ANTXR1: variants seen among roughly 807,000 people sequenced by gnomAD.
The protein encoded by ANTXR1 is ANTXR cell adhesion molecule 1.
ANTXR1 carries 19 observed loss-of-function variants against 78.1 expected under a neutral mutation model. The ratio of observed to expected loss-of-function variants is 0.24; its 90% CI spans 0.17 to 0.36. The LOEUF (loss-of-function observed/expected upper bound fraction) is 0.36, where lower values mean the gene tolerates loss of function less well. Ranked by LOEUF, ANTXR1 falls within the 10% of genes least tolerant of loss-of-function variation. The pLI, the probability that ANTXR1 is intolerant of heterozygous loss-of-function variation, is 1.00. For synonymous variants in ANTXR1, 273 were observed against 260.5 expected (o/e 1.05, Z -0.46); for missense variants, 518 against 718.6 (o/e 0.72, Z 3.19).
At chr2:69,058,297 G>A (rs144142449) in intron 3 of ANTXR1, among the ~76,000 whole-genome samples, 3 of 152,286 alleles carry the variant, frequency 2.0e-5, no homozygotes, top group Non-Finnish European at 4.4e-5. Flanking sequence ...GTCAAAGCCT[G>A]GCTTCAAATC....
intron 17 of ANTXR1, among the ~76,000 whole-genome samples, chr2:69,210,192 G>A (rs1328975566): frequency 6.6e-6 from 1 of 152,188 alleles, no homozygotes; most frequent in Admixed American, 6.5e-5. Flanking sequence ...CACTCCTGCA[G>A]TGTCCATCCA....
chr2:69,239,528 C>T (rs1675847941), intron 17 of ANTXR1, among the ~76,000 whole-genome samples: 1 of 152,176 alleles, frequency 6.6e-6, no homozygotes, highest in African/African-American at 2.4e-5. Context: ...GCCGAGATCA[C>T]TCTCACAGAG....
At chr2:69,120,390 G>A (rs992145761) in intron 10 of ANTXR1, among the ~76,000 whole-genome samples, 5 of 152,206 alleles carry the variant, frequency 3.3e-5, no homozygotes, top group Admixed American at 6.5e-5. Flanking sequence ...CTTGGGCCGG[G>A]TGCGGTGGCT....
intron 17 of ANTXR1, among the ~76,000 whole-genome samples, chr2:69,199,731 G>A (rs1484699760): frequency 1.3e-5 from 2 of 152,142 alleles, no homozygotes; most frequent in African/African-American, 2.4e-5. Context: ...GAATCACAAA[G>A]CCTCCCCAGG....
chr2:69,233,200 C>T (rs139236328), intron 17 of ANTXR1, among the ~76,000 whole-genome samples: 2,321 of 152,032 alleles, frequency 0.015, 22 homozygotes, highest in Non-Finnish European at 0.022. Flanking sequence ...ACTTGTTATA[C>T]GACAAGTAAT....
intron 10 of ANTXR1, among the ~76,000 whole-genome samples, chr2:69,106,213 G>A (rs1303749725): frequency 6.6e-6 from 1 of 152,140 alleles, no homozygotes; most frequent in African/African-American, 2.4e-5. Context: ...CCAGAAGATA[G>A]GTTAATACAT....
intron 12 of ANTXR1, among the ~76,000 whole-genome samples, chr2:69,125,849 AT>A (rs1278226958): frequency 6.6e-6 from 1 of 152,076 alleles, no homozygotes; most frequent in Non-Finnish European, 1.5e-5. Flanking sequence ...AAAAAAAAAA[AT>A]TAAAAAAAGA....
At chr2:69,188,590 T>A (rs1274787708) in intron 16 of ANTXR1, among the ~76,000 whole-genome samples, 1 of 152,252 alleles carries the variant, frequency 6.6e-6, no homozygotes, top group East Asian at 1.9e-4. Context: ...TCAAAATTTG[T>A]CAACTTCAAA....
intron 10 of ANTXR1, among the ~76,000 whole-genome samples, chr2:69,114,668 T>C (rs940886502): frequency 3.3e-5 from 5 of 152,236 alleles, no homozygotes; most frequent in Non-Finnish European, 4.4e-5. Flanking sequence ...TGTCAGAGCC[T>C]TGGCGGCAAT....
chr2:69,144,410 C>G (rs1673160732), intron 12 of ANTXR1, among the ~76,000 whole-genome samples: 3 of 152,178 alleles, frequency 2.0e-5, no homozygotes, highest in Admixed American at 2.0e-4. Context: ...GTTAGTGGAA[C>G]AGAGCTGCCC....
At chr2:69,084,051 A>G (rs932369154) in intron 8 of ANTXR1, among the ~76,000 whole-genome samples, 5 of 152,222 alleles carry the variant, frequency 3.3e-5, no homozygotes, top group Non-Finnish European at 7.3e-5. Flanking sequence ...GCAGAGGGGC[A>G]TGTTCAGTTA....
intron 17 of ANTXR1, among the ~76,000 whole-genome samples, chr2:69,199,707 A>G (rs562014162): frequency 2.0e-5 from 3 of 152,218 alleles, no homozygotes; most frequent in Admixed American, 2.0e-4. Context: ...CTGGGCACTT[A>G]TAGGATCACC....
At chr2:69,156,895 G>C (rs1039617377) in intron 13 of ANTXR1, among the ~76,000 whole-genome samples, 3 of 152,170 alleles carry the variant, frequency 2.0e-5, no homozygotes, top group Non-Finnish European at 2.9e-5. Context: ...ACAACTCGAC[G>C]TGAGATTTGC....
chr2:69,085,352 G>A (rs1277589505), intron 8 of ANTXR1, among the ~76,000 whole-genome samples: 2 of 152,054 alleles, frequency 1.3e-5, no homozygotes, highest in African/African-American at 4.8e-5. Flanking sequence ...TTTTTTTAAG[G>A]TAAGCAATTT....
At chr2:69,188,156 G>GT (rs1394586795) in intron 16 of ANTXR1, among the ~76,000 whole-genome samples, 2 of 151,948 alleles carry the variant, frequency 1.3e-5, no homozygotes, top group African/African-American at 4.8e-5. Context: ...CGCCCAGGCT[G>GT]TAGTGCAGTG....
chr2:69,159,009 A>C (rs1673605353), intron 13 of ANTXR1, among the ~76,000 whole-genome samples: 1 of 152,154 alleles, frequency 6.6e-6, no homozygotes, highest in African/African-American at 2.4e-5. Context: ...CTAAAAACCT[A>C]AGTCTTCCTA....
At chr2:69,030,786 G>A (rs533697383) in intron 1 of ANTXR1, among the ~76,000 whole-genome samples, 6 of 152,046 alleles carry the variant, frequency 3.9e-5, no homozygotes, top group Admixed American at 1.3e-4. Context: ...CTGCATTATC[G>A]GCAATAAATA....
chr2:69,127,569 G>A (rs1021845399), intron 12 of ANTXR1, among the ~76,000 whole-genome samples: 1 of 152,094 alleles, frequency 6.6e-6, no homozygotes, highest in African/African-American at 2.4e-5. Context: ...AAGATTACTT[G>A]GCTGAAGGCA....
At chr2:69,023,255 T>C (rs1348270347) in intron 1 of ANTXR1, among the ~76,000 whole-genome samples, 1 of 145,398 alleles carries the variant, frequency 6.9e-6, no homozygotes, top group Non-Finnish European at 1.5e-5. Context: ...GCTGAGACGA[T>C]AGATGGTGAT....
Sources: gnomAD v4.1 joint callset for allele counts (sites outside exome capture counted in the v4.1 genomes callset) on GRCh38, gnomAD v4.1.1 for gene constraint, MANE v1.5 for transcripts, NCBI Gene and HGNC (gene_info 2026-07-23, HGNC 2026-07-21) for gene names.